Variants in TRIM29 observed in about 807,000 individuals in gnomAD.
TRIM29 encodes the protein tripartite motif-containing protein 29.
Under a neutral mutation model 57.3 loss-of-function variants are expected in TRIM29, and 52 were observed. The observed-to-expected ratio is 0.91, with a 90% confidence interval of 0.73 to 1.14. The LOEUF (loss-of-function observed/expected upper bound fraction) is 1.14, where lower values mean the gene tolerates loss of function less well. Ranked by LOEUF, TRIM29 falls within the 50% of genes most tolerant of loss-of-function variation. The pLI, the probability that TRIM29 is intolerant of heterozygous loss-of-function variation, is 0.00. For missense variants in TRIM29, 753 were observed against 774.6 expected (o/e 0.97, Z 0.33); for synonymous variants, 319 against 316.9 (o/e 1.01, Z -0.07).
chr11:120,119,609 T>C (rs1391593152), intron 6 of TRIM29, among the ~76,000 whole-genome samples: 2 of 152,214 alleles, frequency 1.3e-5, no homozygotes, highest in African/African-American at 4.8e-5. Flanking sequence ...CACAGCTCTG[T>C]CCTCAAGGTG....
At chr11:120,121,043 G>A (rs562997910) in intron 5 of TRIM29, 16 of 368,606 alleles carry the variant, frequency 4.3e-5, no homozygotes, top group African/African-American at 3.2e-4. Flanking sequence ...CACTTCACAA[G>A]TGCTTTCCTT....
At chr11:120,121,001 C>T in intron 5 of TRIM29, 1 of 393,934 alleles carries the variant, frequency 2.5e-6, no homozygotes, top group South Asian at 2.1e-5. Context: ...AGGGGCCCAC[C>T]CAGGCTGCTG....
Position 120,125,830 on chromosome 11 carries a change from G to C in TRIM29, c.1194C>G (p.Val398=), listed in dbSNP as rs377695171. Reference sequence around the variant, plus strand: ...GTCCCAGGCCCTCCCCCTCCAGCAGGACATGATAGGTGGGCAGGGGTGGGG... The same window carrying C: ...GTCCCAGGCCCTCCCCCTCCAGCAGCACATGATAGGTGGGCAGGGGTGGGG... ...SLPPPLPTYH[V]LLEGEGLGQS... The change falls in exon 4 of 9, where the codon GTC becomes GTG. Residue 398 remains valine (V), a synonymous_variant. Transcript: ENST00000341846. The C allele has an allele frequency of 9.3e-6, 15 of 1,614,018 alleles. No individual in the cohort carries two copies. The highest frequency in any genetic ancestry group is 1.7e-5 in the Admixed American group (1 of 59,998).
rs919585261 is a variant in TRIM29 at position 120,122,165 on chromosome 11, A to T, written c.1435+789T>A. 4.5e-3 allele frequency among the ~76,000 whole-genome samples: 292 copies of T among 65,544 alleles called. 2 individuals carry two copies. Among genetic ancestry groups the T allele is most frequent in the African/African-American group, 0.021 (279 of 13,374 alleles). 43.0% of individuals were successfully genotyped at this position (65,544 alleles called of 152,430 possible). ...GTGTGTGTGTGTGTGTGTGTGTGTGAAAGACGTGTGTGAATTACTGATTAG... is the reference window on the plus strand; with the variant it reads ...GTGTGTGTGTGTGTGTGTGTGTGTGTAAGACGTGTGTGAATTACTGATTAG... On this transcript the variant is annotated intron_variant, in intron 5 of 8. Coordinates refer to ENST00000341846, the MANE Select transcript of TRIM29 (RefSeq NM_012101.4).
rs550106224 is a variant in TRIM29, at chr11:120,127,396, A to G, written c.1074T>C (p.His358=). 6 of 1,614,140 alleles carry G rather than the reference A, an allele frequency of 3.7e-6. No homozygotes were observed. The South Asian group carries it at 4.4e-5, about 12-fold the overall frequency. ...GCTGCTCCCGGGTCTGCTTGTCCTC[A>G]TGCAGCACCTTGGCTCTCTCATCCA... ...DALDERAKVL[H]EDKQTREQLH... The change falls in exon 3 of 9, where the codon CAT becomes CAC. Residue 358 remains histidine (H), a synonymous_variant. Coordinates refer to ENST00000341846, the MANE Select transcript of TRIM29 (RefSeq NM_012101.4).
intron 1 of TRIM29, among the ~76,000 whole-genome samples, chr11:120,130,381 G>A (rs1196696131): frequency 1.3e-5 from 2 of 152,194 alleles, no homozygotes; most frequent in African/African-American, 4.8e-5. Context: ...CCGAGGACAA[G>A]GTCTGATGGA....
At chr11:120,129,383 C>T (rs1162781612) in intron 1 of TRIM29, among the ~76,000 whole-genome samples, 1 of 152,164 alleles carries the variant, frequency 6.6e-6, no homozygotes, top group Non-Finnish European at 1.5e-5. Flanking sequence ...ACACTCAAAG[C>T]CCCTTCTAGC....
intron 6 of TRIM29, among the ~76,000 whole-genome samples, chr11:120,119,035 G>C (rs910007114): frequency 2.0e-5 from 3 of 152,192 alleles, no homozygotes; most frequent in African/African-American, 7.2e-5. Context: ...ATGGTTGATG[G>C]ATAGAATGCA....
At position 120,137,339 on chromosome 11, in the gene TRIM29, C is replaced by G. The variant is rs774273938; in HGVS notation, c.693G>C (p.Thr231=). ...GGTCGGTCTGGCAGAAGAGCTCCATCGTCTTGCCATGCACGGGACACTTGC... is the reference window on the plus strand; with the variant it reads ...GGTCGGTCTGGCAGAAGAGCTCCATGGTCTTGCCATGCACGGGACACTTGC... ...EARKCPVHGK[T]MELFCQTDQT... is the part of the protein sequence containing the mutation. The change falls in exon 1 of 9, where the codon ACG becomes ACC. Residue 231 remains threonine (T), a synonymous_variant. Transcript: ENST00000341846. The surrounding 1 kb of genome is among the most constrained non-coding windows in gnomAD (Gnocchi z 6.2). The G allele has an allele frequency of 3.1e-6, 5 of 1,614,068 alleles. No individual in the cohort carries two copies. Among genetic ancestry groups the G allele is most frequent in the Non-Finnish European group, 1.7e-6 (2 of 1,180,030 alleles).
intron 4 of TRIM29, 192 bp downstream of exon 4, chr11:120,125,499 T>G: frequency 1.7e-6 from 1 of 600,374 alleles, no homozygotes; most frequent in Non-Finnish European, 2.9e-6. Context: ...TGCATAACTT[T>G]GGCAGCAAGT....
chr11:120,123,372 C>T (rs993096189), intron 4 of TRIM29: 3 of 536,364 alleles, frequency 5.6e-6, no homozygotes, highest in Admixed American at 4.5e-5. Flanking sequence ...TTATTTGATC[C>T]ATACATCAAT....
At chr11:120,120,914 G>C (rs934123718) in intron 5 of TRIM29, 4 of 591,060 alleles carry the variant, frequency 6.8e-6, no homozygotes, top group South Asian at 6.4e-5. Context: ...GCAACCACGA[G>C]GGCAGAAGCA....
intron 2 of TRIM29, among the ~76,000 whole-genome samples, chr11:120,128,142 C>T (rs1429929964): frequency 6.6e-6 from 1 of 152,132 alleles, no homozygotes; most frequent in African/African-American, 2.4e-5. Context: ...GGAAGACACA[C>T]TGGAGGAAAG....
At chr11:120,120,720 C>T (rs776588705) in intron 5 of TRIM29, 55 bp from the exon 6 acceptor site, 48 of 1,561,804 alleles carry the variant, frequency 3.1e-5, no homozygotes, top group Non-Finnish European at 3.8e-5. Context: ...ATCAGGACTC[C>T]TTGCCCCCAA....
intron 8 of TRIM29, among the ~76,000 whole-genome samples, chr11:120,114,641 T>C (rs551261289): frequency 1.3e-5 from 2 of 152,176 alleles, no homozygotes. Flanking sequence ...CAGTCCCCGA[T>C]CACTGAGGTC....
rs1253548737 is a variant in TRIM29 at position 120,125,535 on chromosome 11, C to T, written c.1333+156G>A. 7 of 718,112 alleles carry T rather than the reference C, an allele frequency of 9.7e-6. No homozygotes were observed. In the East Asian group the frequency reaches 1.9e-4, roughly 20 times the overall value. The allele number at this position is 718,112 out of a possible 1,614,324, so 44.5% of individuals were successfully genotyped here. On this transcript the variant is annotated intron_variant, in intron 4 of 8. Transcript: ENST00000341846. ...TCAAAGGAGGAGGAGGGTTAGAATC[C>T]CTGTATCCTAGTCCAAACGGCCTGA...
At chr11:120,128,239 A>G (rs1863639646) in intron 2 of TRIM29, among the ~76,000 whole-genome samples, 161 bp downstream of exon 2, 1 of 152,150 alleles carries the variant, frequency 6.6e-6, no homozygotes, top group African/African-American at 2.4e-5. Flanking sequence ...CAGACTGAGA[A>G]GGGGAGTTGG....
At chr11:120,115,444 G>A in intron 7 of TRIM29, 30 bp from the exon 8 acceptor site, 3 of 1,604,506 alleles carry the variant, frequency 1.9e-6, no homozygotes, top group South Asian at 1.1e-5. Flanking sequence ...AGGTCAAAGG[G>A]AGCAGCGCTG....
intron 4 of TRIM29, chr11:120,123,813 T>C: frequency 3.3e-6 from 1 of 307,530 alleles, no homozygotes. Flanking sequence ...CGCCTATCAG[T>C]GTCCTGGTGC....
Sources: gnomAD v4.1 joint callset for allele counts (sites outside exome capture counted in the v4.1 genomes callset) on GRCh38, gnomAD v4.1.1 for gene constraint, Gnocchi (gnomAD v3.1) non-coding constraint, MANE v1.5 for transcripts, NCBI Gene and HGNC (gene_info 2026-07-23, HGNC 2026-07-21) for gene names.